The following SPAG1 variants were observed in gnomAD, a reference collection of about 807,000 sequenced individuals.
SPAG1 encodes the protein sperm associated antigen 1.
Under a neutral mutation model 100.5 loss-of-function variants are expected in SPAG1, and 69 were observed. The observed-to-expected ratio is 0.69, with a 90% CI of 0.57 to 0.84. SPAG1 has a LOEUF of 0.84. SPAG1 is among the 40% of genes least tolerant of loss of function. The pLI is 0.00. For missense variants in SPAG1, 955 were observed against 1,133.1 expected (o/e 0.84, Z 2.26); for synonymous variants, 336 against 411.6 (o/e 0.82, Z 2.22).
In SPAG1 at chr8:100,202,711, A is replaced by G. The variant is rs1817338591; in HGVS notation, c.1096+8443A>G. ...GGCGACAGAGCGAGACTCCGTCTCA[A>G]AAAAAAAAAAAAAAAAAAAAAAAAA... On this transcript the variant is annotated intron_variant, in intron 10 of 18. Coordinates refer to ENST00000388798, the MANE Select transcript of SPAG1 (RefSeq NM_003114.5). Among the ~76,000 whole-genome samples, 2 of 105,058 alleles carry G rather than the reference A, an allele frequency of 1.9e-5. 1 individual carries two copies. The highest frequency in any genetic ancestry group is 2.0e-4 in the Admixed American group (2 of 10,246). 68.9% of individuals were successfully genotyped at this position (105,058 alleles called of 152,430 possible).
chr8:100,178,297 A>G (rs1274212048), intron 4 of SPAG1, among the ~76,000 whole-genome samples: 1 of 151,926 alleles, frequency 6.6e-6, no homozygotes, highest in African/African-American at 2.4e-5. Context: ...GTATATATCT[A>G]GTAGGGCTAC....
At position 100,235,594 on chromosome 8, in the gene SPAG1, G is replaced by A. The variant is rs62532742; in HGVS notation, c.2115+2057G>A. ...AGTCTGAGATAGTTGTTTTAATTCC[G>A]TGCCCATGACTGAAAGGGAACTATC... On this transcript the variant is annotated intron_variant, in intron 16 of 18. Transcript: ENST00000388798. Among the ~76,000 whole-genome samples the A allele has an allele frequency of 6.0e-3, 912 of 152,222 alleles. 6 individuals carry two copies. The highest frequency in any genetic ancestry group is 0.024 in the South Asian group (118 of 4,820).
chr8:100,214,988 CATATATATATATATATATA>C (rs1817901752), intron 12 of SPAG1, among the ~76,000 whole-genome samples: 1 of 68,852 alleles, frequency 1.5e-5, no homozygotes, highest in Non-Finnish European at 2.8e-5. Flanking sequence ...AAACTTTACT[CATATATATATATATATATA>C]TATATATATA....
intron 16 of SPAG1, among the ~76,000 whole-genome samples, chr8:100,237,612 G>A (rs1271742175): frequency 6.6e-6 from 1 of 151,894 alleles, no homozygotes. Context: ...TGTCTTTTCC[G>A]TGGTCCTCTT....
At chr8:100,180,465 T>G (rs1418145477) in intron 4 of SPAG1, among the ~76,000 whole-genome samples, 1 of 152,258 alleles carries the variant, frequency 6.6e-6, no homozygotes. Flanking sequence ...TTAAGGGGGA[T>G]ACTTGTCAAA....
chr8:100,173,724 T>C (rs1391016585), intron 3 of SPAG1, among the ~76,000 whole-genome samples: 1 of 152,184 alleles, frequency 6.6e-6, no homozygotes, highest in Non-Finnish European at 1.5e-5. Flanking sequence ...GAATTTACAG[T>C]ATAAGAAGAG....
chr8:100,185,646 C>T (rs976984050), intron 7 of SPAG1, among the ~76,000 whole-genome samples: 6 of 152,200 alleles, frequency 3.9e-5, no homozygotes, highest in African/African-American at 1.4e-4. Flanking sequence ...GAAAAGTAGA[C>T]TAAGTTTTTA....
chr8:100,213,706 A>G, intron 11 of SPAG1, 113 bp from the exon 12 acceptor site: 1 of 653,040 alleles, frequency 1.5e-6, no homozygotes, highest in Non-Finnish European at 2.6e-6. Flanking sequence ...CTGCATGATC[A>G]GTCTGCAGGA....
At chr8:100,210,633 T>C (rs1817680615) in intron 10 of SPAG1, among the ~76,000 whole-genome samples, 1 of 152,204 alleles carries the variant, frequency 6.6e-6, no homozygotes, top group Non-Finnish European at 1.5e-5. Flanking sequence ...TAAGTGTTAG[T>C]ATATCTCAGG....
In SPAG1 at chr8:100,220,429, CAG is replaced by C. The variant is rs749637114; in HGVS notation, c.1687_1688del (p.Arg563AlafsTer57). The C allele has an allele frequency of 1.5e-5, 24 of 1,608,312 alleles. No homozygotes were observed. The highest frequency in any genetic ancestry group is 1.9e-5 in the Non-Finnish European group (22 of 1,178,192). ...TCCAGCTAGCAAATGACAGTGTTAA[CAG>C]GTAATTAATCTGAGGCAGCTACCTA... ...GLQLANDSVNRLSRILMELDG... is the reference protein window; with the variant it reads ...GLQLANDSVNXLSRILMELDG... On this transcript the variant is annotated frameshift_variant and splice_region_variant, in exon 13 of 19. Coordinates refer to ENST00000388798, the MANE Select transcript of SPAG1 (RefSeq NM_003114.5). LOFTEE classifies it high-confidence loss of function.
At chr8:100,214,988 CATATATATATATAT>C (rs71274967) in intron 12 of SPAG1, among the ~76,000 whole-genome samples, 1,433 of 67,788 alleles carry the variant, frequency 0.021, 37 homozygotes, top group Admixed American at 0.026. Flanking sequence ...AAACTTTACT[CATATATATATATAT>C]ATATATATAT....
In SPAG1 at chr8:100,168,687, C is replaced by CTTTTTTTTTTTTTTTTTTTTTTTTTT. The variant is rs747506730; in HGVS notation, c.300+2725_300+2726insTTTTTTTTTTTTTTTTTTTTTTTTTT. Among the ~76,000 whole-genome samples, 510 of 95,524 alleles carry CTTTTTTTTTTTTTTTTTTTTTTTTTT rather than the reference C, an allele frequency of 5.3e-3. 122 individuals carry two copies. The highest frequency in any genetic ancestry group is 6.6e-3 in the African/African-American group (147 of 22,432). The allele number at this position is 95,524 out of a possible 152,430, so 62.7% of individuals were successfully genotyped here. On this transcript the variant is annotated intron_variant, in intron 3 of 18. Coordinates refer to ENST00000388798, the MANE Select transcript of SPAG1 (RefSeq NM_003114.5). ...AGCATGAGCCACCATGCCCAGCCAT[C>CTTTTTTTTTTTTTTTTTTTTTTTTTT]TTTTTTTTTTTGTTGTTGAGACAGA...
chr8:100,228,974 G>A (rs1041686837), intron 14 of SPAG1, among the ~76,000 whole-genome samples: 47 of 152,184 alleles, frequency 3.1e-4, no homozygotes, highest in Admixed American at 3.1e-3. Context: ...AAAGGGCCCA[G>A]ACAGGCTGTA....
At chr8:100,202,567 G>A (rs112073604) in intron 10 of SPAG1, among the ~76,000 whole-genome samples, 25,776 of 150,108 alleles carry the variant, frequency 0.17, 2,439 homozygotes, top group South Asian at 0.23. Flanking sequence ...AAAATTAGCC[G>A]GGCGTGGTAG....
intron 3 of SPAG1, among the ~76,000 whole-genome samples, chr8:100,166,547 A>C (rs1361440805): frequency 6.6e-6 from 1 of 151,282 alleles, no homozygotes; most frequent in African/African-American, 2.4e-5. Flanking sequence ...GTGAGCCACC[A>C]TGCCTGGCCT....
intron 10 of SPAG1, 77 bp from the exon 11 acceptor site, chr8:100,213,013 C>CCCTGCGGCCT: frequency 7.6e-6 from 8 of 1,056,044 alleles, no homozygotes; most frequent in Non-Finnish European, 1.0e-5. Flanking sequence ...GTCCTGCACC[C>CCCTGCGGCCT]CCGCGGCCTC....
At chr8:100,213,508 CGCT>C (rs1300133162) in intron 11 of SPAG1, 80 bp downstream of exon 11, 1 of 1,106,830 alleles carries the variant, frequency 9.0e-7, no homozygotes, top group African/African-American at 1.6e-5. Context: ...GTGGGAGAGG[CGCT>C]GCCGCCTCCT....
intron 2 of SPAG1, among the ~76,000 whole-genome samples, chr8:100,163,081 G>A (rs777942593): frequency 2.0e-5 from 3 of 152,282 alleles, no homozygotes; most frequent in South Asian, 2.1e-4. Context: ...GTGACCCACC[G>A]CACACTGATC....
intron 12 of SPAG1, among the ~76,000 whole-genome samples, chr8:100,218,540 A>G (rs1438948077): frequency 6.6e-6 from 1 of 152,256 alleles, no homozygotes; most frequent in Non-Finnish European, 1.5e-5. Flanking sequence ...TGATGCCCAC[A>G]GATCTATTTT....
Sources: allele counts gnomAD v4.1 joint callset (sites outside exome capture counted in the v4.1 genomes callset), GRCh38; gene constraint gnomAD v4.1.1; transcripts MANE v1.5; gene names NCBI Gene and HGNC (gene_info 2026-07-23, HGNC 2026-07-21).